The following TENM1 variants were observed in gnomAD, a reference collection of about 807,000 sequenced individuals.
TENM1 encodes teneurin transmembrane protein 1.
A neutral mutation model predicts 174.8 loss-of-function variants in TENM1; 35 were observed. The observed-to-expected ratio is 0.20, with a 90% confidence interval of 0.15 to 0.27. The LOEUF (loss-of-function observed/expected upper bound fraction) is 0.27. Ranked by LOEUF, TENM1 falls within the 10% of genes least tolerant of loss-of-function variation. The pLI is 1.00. For synonymous variants in TENM1, 781 were observed against 798.7 expected, an observed-to-expected ratio of 0.98 and a Z score of 0.37; for missense variants, 1,633 against 2,130.1, an observed-to-expected ratio of 0.77 and a Z score of 4.59.
At chrX:125,001,665 T>C in the TENM1 span, among the ~76,000 whole-genome samples, 1 of 105,526 alleles carries the variant, frequency 9.5e-6, no homozygotes, top group Non-Finnish European at 2.0e-5. Context: ...TGTGTCAAAA[T>C]GGGAGGCATG....
chrX:124,679,991 C>A (rs1488796315), intron 5 of TENM1, among the ~76,000 whole-genome samples: 1 of 110,690 alleles, frequency 9.0e-6, no homozygotes, highest in Non-Finnish European at 1.9e-5. Flanking sequence ...TTTGAAAACC[C>A]GAAAAGCTGT....
At chrX:124,720,485 T>C (rs779317575) in intron 4 of TENM1, among the ~76,000 whole-genome samples, 1 of 111,592 alleles carries the variant, frequency 9.0e-6, no homozygotes, top group Non-Finnish European at 1.9e-5. Context: ...ATGTAAATCA[T>C]ACATGTATTG....
rs2055672912 is a variant in TENM1, at chrX:124,808,453, G to C, written c.536-71256C>G. ...GCAGAAAATCAATAAGGAAACATCA[G>C]ACTTAAACTGCACTCTAGGCCAAAT... is the stretch of plus-strand genomic sequence containing the variant. On this transcript the variant is annotated intron_variant, in intron 3 of 31. Transcript: ENST00000422452. Among the ~76,000 whole-genome samples, 3 of 111,580 alleles carry C rather than the reference G, an allele frequency of 2.7e-5. No individual in the cohort carries two copies. In the Admixed American group the frequency reaches 2.9e-4, roughly 11 times the overall value.
chrX:124,636,555 G>A (rs1488017184), intron 11 of TENM1, among the ~76,000 whole-genome samples: 1 of 111,828 alleles, frequency 8.9e-6, no homozygotes, highest in Non-Finnish European at 1.9e-5. Context: ...TATGTACTTG[G>A]TATTTGATGT....
At chrX:125,107,640 A>G in the TENM1 span, among the ~76,000 whole-genome samples, 1 of 111,640 alleles carries the variant, frequency 9.0e-6, no homozygotes, top group African/African-American at 3.3e-5. Flanking sequence ...CAATCCAATA[A>G]AAAGAATTCA....
chrX:124,717,578 A>C (rs1240068265), intron 4 of TENM1, among the ~76,000 whole-genome samples: 1 of 112,005 alleles, frequency 8.9e-6, no homozygotes, highest in Non-Finnish European at 1.9e-5. Flanking sequence ...GGTCCCAGAA[A>C]GAAATAGAAT....
chrX:124,612,720 A>AATGAC (rs2050306657), intron 11 of TENM1, among the ~76,000 whole-genome samples: 1 of 110,546 alleles, frequency 9.0e-6, no homozygotes, highest in African/African-American at 3.3e-5. Context: ...TATTAACCTG[A>AATGAC]ATGACCTCCT....
intron 23 of TENM1, among the ~76,000 whole-genome samples, chrX:124,441,465 CA>C (rs1284941405): frequency 8.9e-6 from 1 of 112,238 alleles, no homozygotes; most frequent in Non-Finnish European, 1.9e-5. Context: ...GCTAAGTTAA[CA>C]ATGCCTTCCT....
intron 16 of TENM1, among the ~76,000 whole-genome samples, chrX:124,527,263 C>T (rs1219749008): frequency 9.0e-6 from 1 of 111,626 alleles, no homozygotes; most frequent in Non-Finnish European, 1.9e-5. Flanking sequence ...TATCTAATCT[C>T]TTCATACTTT....
At chrX:125,197,953 C>A in the TENM1 span, among the ~76,000 whole-genome samples, 3 of 111,884 alleles carry the variant, frequency 2.7e-5, no homozygotes, top group African/African-American at 9.7e-5. Context: ...ATATTAGTTT[C>A]TCAGGACTTT....
chrX:125,039,117 T>A, the TENM1 span, among the ~76,000 whole-genome samples: 1 of 111,541 alleles, frequency 9.0e-6, no homozygotes, highest in Non-Finnish European at 1.9e-5. Flanking sequence ...TATCTTTAAA[T>A]TCTAGTTGTT....
intron 18 of TENM1, among the ~76,000 whole-genome samples, chrX:124,513,234 T>G (rs1160492779): frequency 9.0e-6 from 1 of 111,458 alleles, no homozygotes; most frequent in Non-Finnish European, 1.9e-5. Flanking sequence ...TTCTAGTAGG[T>G]GCTTGCACGC....
intron 23 of TENM1, among the ~76,000 whole-genome samples, chrX:124,428,740 G>C (rs1355951624): frequency 1.8e-5 from 2 of 111,873 alleles, no homozygotes; most frequent in Non-Finnish European, 3.8e-5. Context: ...AGTTTTTATA[G>C]TCATAGACCT....
At chrX:124,943,558 G>A (rs1261165487) in intron 1 of TENM1, among the ~76,000 whole-genome samples, 1 of 112,186 alleles carries the variant, frequency 8.9e-6, no homozygotes, top group Admixed American at 9.5e-5. Context: ...TTAAATTTTT[G>A]TCTGTGACCA....
the TENM1 span, among the ~76,000 whole-genome samples, chrX:125,033,675 A>G: frequency 9.1e-6 from 1 of 109,667 alleles, no homozygotes; most frequent in African/African-American, 3.3e-5. Context: ...GATATGGAAC[A>G]TTTTACCGTA....
At chrX:124,384,356 T>C (rs144335593) in exon 30 of TENM1, 1 of 1,209,393 alleles carries the variant, frequency 8.3e-7, no homozygotes, top group African/African-American at 1.8e-5. Context: ...ACTCTTCCCA[T>C]GGCTTAAGAG....
Position 124,454,405 on chromosome X carries a change from G to GT in TENM1, c.3950-915dup, listed in dbSNP as rs1415467267. Among the ~76,000 whole-genome samples, 319 of 73,202 alleles carry GT rather than the reference G, an allele frequency of 4.4e-3. 3 individuals carry two copies. Among genetic ancestry groups the GT allele is most frequent in the African/African-American group, 0.016 (286 of 18,076 alleles). The allele number at this position is 73,202 out of a possible 115,157, so 63.6% of individuals were successfully genotyped here. The stretch of plus-strand genomic sequence containing the variant: ...ACTCTATATCTAGGTATATCTAGGT[G>GT]TTTTTTTTTTTTGTTTTTGAGGGAG... On this transcript the variant is annotated intron_variant, in intron 22 of 31. Transcript: ENST00000422452.
intron 29 of TENM1, 131 bp from the exon 33 acceptor site, chrX:124,384,985 T>A (rs988020623): frequency 7.3e-6 from 4 of 545,580 alleles, no homozygotes; most frequent in Non-Finnish European, 1.1e-5. Flanking sequence ...TGATCTCTGA[T>A]ATCAAATGCC....
chrX:124,393,909 A>C (rs1417189420), intron 27 of TENM1, among the ~76,000 whole-genome samples: 1 of 112,693 alleles, frequency 8.9e-6, no homozygotes, highest in Non-Finnish European at 1.9e-5. Flanking sequence ...CTGTGAAACA[A>C]GAGTGATGTT....
Sources: allele counts gnomAD v4.1 joint callset (sites outside exome capture counted in the v4.1 genomes callset), GRCh38; gene constraint gnomAD v4.1.1; transcripts MANE v1.5; gene names NCBI Gene and HGNC (gene_info 2026-07-23, HGNC 2026-07-21).